Variants in LHX8 observed in about 807,000 individuals in gnomAD.
LHX8 encodes the protein LIM/homeobox protein Lhx8.
A neutral mutation model predicts 40.3 loss-of-function variants in LHX8; 12 were observed. That is an observed-to-expected ratio of 0.30 (90% CI 0.19 to 0.48). The LOEUF (loss-of-function observed/expected upper bound fraction) is 0.48. Ranked by LOEUF, LHX8 falls within the 20% of genes least tolerant of loss-of-function variation. LHX8 has a pLI of 0.99. For synonymous variants in LHX8, 179 were observed against 162.0 expected (o/e 1.10, Z -0.80); for missense variants, 344 against 433.7 (o/e 0.79, Z 1.84).
At chr1:75,188,631 G>C in the LHX8 span, among the ~76,000 whole-genome samples, 1 of 152,122 alleles carries the variant, frequency 6.6e-6, no homozygotes, top group Non-Finnish European at 1.5e-5. Context: ...TGCTCCCTAG[G>C]TAGAGGCACT....
chr1:75,189,077 AAGAACTATCCCCT>A, the LHX8 span, among the ~76,000 whole-genome samples: 1 of 152,220 alleles, frequency 6.6e-6, no homozygotes, highest in Non-Finnish European at 1.5e-5. Context: ...AAATTTCAAC[AAGAACTATCCCCT>A]AGAGATGGTA....
chr1:75,162,723 A>T (rs1648947007), downstream of LHX8, among the ~76,000 whole-genome samples: 1 of 152,190 alleles, frequency 6.6e-6, no homozygotes, highest in South Asian at 2.1e-4. Context: ...ATGAAAAGAG[A>T]TAGATGTGAA....
At chr1:75,182,875 C>T in the LHX8 span, among the ~76,000 whole-genome samples, 7 of 152,118 alleles carry the variant, frequency 4.6e-5, no homozygotes, top group South Asian at 2.1e-4. Flanking sequence ...CCTTTAAACA[C>T]GTTGGCTGAT....
At chr1:75,150,770 G>A (rs963289537) in intron 7 of LHX8, among the ~76,000 whole-genome samples, 12 of 149,870 alleles carry the variant, frequency 8.0e-5, no homozygotes, top group East Asian at 2.0e-4. Context: ...TCCGCCTCCC[G>A]GGTTCAAGCA....
At chr1:75,179,879 G>A in the LHX8 span, among the ~76,000 whole-genome samples, 2 of 152,120 alleles carry the variant, frequency 1.3e-5, no homozygotes, top group Non-Finnish European at 2.9e-5. Context: ...TTGTAAGGCA[G>A]GCCTGGTGGT....
the LHX8 span, among the ~76,000 whole-genome samples, chr1:75,184,748 A>G: frequency 1.3e-5 from 2 of 152,188 alleles, no homozygotes; most frequent in Admixed American, 1.3e-4. Flanking sequence ...CAGAAAAGAA[A>G]TAACACAAAT....
chr1:75,161,031 T>C lies in LHX8; in HGVS notation c.*136T>C. On this transcript the variant is annotated 3_prime_UTR_variant, in exon 9 of 9. Transcript: ENST00000356261. Reference sequence around the variant, plus strand: ...TTCCAACATCACTTTGCTGCCCAGGTATGTATCTATAGTTGGCCTGCAAGA... The same window carrying C: ...TTCCAACATCACTTTGCTGCCCAGGCATGTATCTATAGTTGGCCTGCAAGA... 1.5e-6 allele frequency: 1 copy of C among 688,116 alleles called. No homozygotes were observed. The highest frequency in any genetic ancestry group is 2.6e-6 in the Non-Finnish European group (1 of 388,114). 42.6% of individuals were successfully genotyped at this position (688,116 alleles called of 1,614,324 possible). A position where few individuals can be genotyped will look rare whatever the true frequency, so the allele number is the denominator to read the frequency against.
intron 1 of LHX8, among the ~76,000 whole-genome samples, chr1:75,136,319 G>C (rs1023863547): frequency 5.9e-5 from 9 of 152,082 alleles, no homozygotes; most frequent in African/African-American, 2.2e-4. Flanking sequence ...ATCCCCGGCG[G>C]GGGGGCGGGG....
At chr1:75,142,350 G>A (rs1036572786) in intron 4 of LHX8, among the ~76,000 whole-genome samples, 2 of 152,074 alleles carry the variant, frequency 1.3e-5, no homozygotes, top group Non-Finnish European at 2.9e-5. Context: ...GCAGGGCCAC[G>A]ACTGTGATTG....
At chr1:75,148,346 G>A (rs1392601038) in intron 6 of LHX8, among the ~76,000 whole-genome samples, 2 of 152,310 alleles carry the variant, frequency 1.3e-5, no homozygotes, top group African/African-American at 4.8e-5. Flanking sequence ...ATTTTTAACA[G>A]CATAGTTGAG....
the LHX8 span, among the ~76,000 whole-genome samples, chr1:75,195,457 T>C: frequency 1.3e-5 from 2 of 152,130 alleles, no homozygotes; most frequent in Admixed American, 6.5e-5. Context: ...TTATTCTACC[T>C]TATGGGTTAC....
intron 7 of LHX8, among the ~76,000 whole-genome samples, chr1:75,150,242 A>T (rs1383442972): frequency 2.6e-5 from 4 of 152,178 alleles, no homozygotes; most frequent in Non-Finnish European, 5.9e-5. Flanking sequence ...TCTCTCAAAA[A>T]AGTCAGTGAC....
chr1:75,136,462 C>G lies in LHX8; in HGVS notation c.-12-141C>G, dbSNP rs1648133238. On this transcript the variant is annotated intron_variant, in intron 1 of 8. Coordinates refer to ENST00000356261, the MANE Select transcript of LHX8 (RefSeq NM_001256114.2). ...CCAGCCCGCCCGCGGCGCCCGGGCT[C>G]AGGCGCCGTGACGGCTGCACGCGCT... 2.5e-5 allele frequency: 13 copies of G among 524,538 alleles called. 1 individual carries two copies. In the South Asian group the frequency reaches 4.0e-4, roughly 16 times the overall value. 32.5% of individuals were successfully genotyped at this position (524,538 alleles called of 1,614,324 possible). A position where few individuals can be genotyped will look rare whatever the true frequency, so the allele number is the denominator to read the frequency against.
chr1:75,138,724 G>A (rs1157734856), intron 3 of LHX8, among the ~76,000 whole-genome samples: 1 of 152,146 alleles, frequency 6.6e-6, no homozygotes, highest in Non-Finnish European at 1.5e-5. Context: ...GAAGGGTTAT[G>A]ATGAAGTGAC....
chr1:75,180,669 G>T, the LHX8 span, among the ~76,000 whole-genome samples: 1 of 152,114 alleles, frequency 6.6e-6, no homozygotes, highest in African/African-American at 2.4e-5. Flanking sequence ...TGTTATTACC[G>T]ACTTTCTGAA....
chr1:75,155,698 G>A (rs1478518982), intron 7 of LHX8, among the ~76,000 whole-genome samples: 1 of 152,194 alleles, frequency 6.6e-6, no homozygotes, highest in African/African-American at 2.4e-5. Flanking sequence ...CTGCAGTAGA[G>A]TGGACAGCAG....
intron 7 of LHX8, among the ~76,000 whole-genome samples, chr1:75,153,294 A>G (rs2100355178): frequency 6.6e-6 from 1 of 152,036 alleles, no homozygotes; most frequent in African/African-American, 2.4e-5. Flanking sequence ...TTTGGTAGAG[A>G]CGGGGTTTCA....
the LHX8 span, among the ~76,000 whole-genome samples, chr1:75,185,999 G>C: frequency 6.6e-6 from 1 of 152,238 alleles, no homozygotes; most frequent in South Asian, 2.1e-4. Context: ...GGAGGTAAAA[G>C]ATCTCTACCT....
At chr1:75,186,099 T>C in the LHX8 span, among the ~76,000 whole-genome samples, 1 of 152,150 alleles carries the variant, frequency 6.6e-6, no homozygotes, top group Non-Finnish European at 1.5e-5. Flanking sequence ...TCAATATCAT[T>C]AAAATGGCTG....
Sources: gnomAD v4.1 joint callset for allele counts (sites outside exome capture counted in the v4.1 genomes callset) on GRCh38, gnomAD v4.1.1 for gene constraint, MANE v1.5 for transcripts, NCBI Gene and HGNC (gene_info 2026-07-23, HGNC 2026-07-21) for gene names.